Variants in RGS7 observed in about 807,000 individuals in gnomAD.
RGS7 encodes regulator of G protein signaling 7, also known as regulator of G-protein signaling 7.
RGS7 carries 27 observed loss-of-function variants against 81.1 expected under a neutral mutation model. That is an observed-to-expected ratio of 0.33 (90% CI 0.25 to 0.46). The LOEUF (loss-of-function observed/expected upper bound fraction) is 0.46, where lower values mean the gene tolerates loss of function less well. RGS7 is among the 20% of genes least tolerant of loss of function. The probability of loss-of-function intolerance (pLI) is 1.00; values close to 1 mark genes in which losing one functional copy is unlikely to be tolerated. For synonymous variants in RGS7, 208 were observed against 207.7 expected, an observed-to-expected ratio of 1.00 and a Z score of -0.01; for missense variants, 396 against 607.4, an observed-to-expected ratio of 0.65 and a Z score of 3.66.
chr1:240,951,353 A>G (rs190346519), intron 4 of RGS7, among the ~76,000 whole-genome samples: 1 of 152,238 alleles, frequency 6.6e-6, no homozygotes, highest in Non-Finnish European at 1.5e-5. Context: ...GGAAGTTTAA[A>G]TTGTAATTAA....
At chr1:240,991,542 T>G (rs1351992708) in intron 3 of RGS7, among the ~76,000 whole-genome samples, 2 of 152,140 alleles carry the variant, frequency 1.3e-5, no homozygotes, top group Admixed American at 1.3e-4. Flanking sequence ...GGAAGGAAAA[T>G]AGGGTTCCTT....
In RGS7 at chr1:241,324,235, G is replaced by T. The variant is rs533859917; in HGVS notation, c.78+31464C>A. Among the ~76,000 whole-genome samples, 49 of 151,920 alleles carry T rather than the reference G, an allele frequency of 3.2e-4. No homozygotes were observed. The South Asian group carries it at 8.5e-3, about 26-fold the overall frequency. On this transcript the variant is annotated intron_variant, in intron 2 of 18. Transcript: ENST00000440928. ...AACTCTATTTACTTATTACCAGCTTGTTCACTTAAGAAATAGGTAGACTAT... is the reference window on the plus strand; with the variant it reads ...AACTCTATTTACTTATTACCAGCTTTTTCACTTAAGAAATAGGTAGACTAT...
intron 2 of RGS7, among the ~76,000 whole-genome samples, chr1:241,218,146 G>A (rs1431277883): frequency 1.3e-5 from 2 of 152,210 alleles, no homozygotes; most frequent in African/African-American, 4.8e-5. Context: ...GGGCACAGAT[G>A]TGTTTCCTGC....
In RGS7 at chr1:241,279,742, A is replaced by G. The variant is rs149962758; in HGVS notation, c.78+75957T>C. Among the ~76,000 whole-genome samples, 16 of 152,276 alleles carry G rather than the reference A, an allele frequency of 1.1e-4. No individual in the cohort carries two copies. In the East Asian group the frequency reaches 2.5e-3, roughly 24 times the overall value. On this transcript the variant is annotated intron_variant, in intron 2 of 18. Coordinates refer to ENST00000440928, the MANE Select transcript of RGS7 (RefSeq NM_001364886.1). ...TTCATCCCCTACATCAGTCCTAAAA[A>G]CCACTAATCTGCTTTCTGTTTCTAT...
chr1:240,863,577 A>G lies in RGS7; in HGVS notation c.609+5010T>C, dbSNP rs1195830281. Among the ~76,000 whole-genome samples the G allele has an allele frequency of 2.6e-5, 4 of 152,330 alleles. No homozygotes were observed. The South Asian group carries it at 6.2e-4, about 24-fold the overall frequency. ...ATCATATCTAAATATTGAAGATAGGACTTATCAGGCAGCCCTGTTGGCAAT... is the reference window on the plus strand; with the variant it reads ...ATCATATCTAAATATTGAAGATAGGGCTTATCAGGCAGCCCTGTTGGCAAT... On this transcript the variant is annotated intron_variant, in intron 9 of 18. Coordinates refer to ENST00000440928, the MANE Select transcript of RGS7 (RefSeq NM_001364886.1).
intron 2 of RGS7, among the ~76,000 whole-genome samples, chr1:241,295,401 C>T (rs1370351515): frequency 2.6e-5 from 4 of 151,472 alleles, no homozygotes; most frequent in Admixed American, 1.3e-4. Context: ...TGCAGTGAGC[C>T]GAGATCGGGC....
intron 2 of RGS7, among the ~76,000 whole-genome samples, chr1:241,286,704 AC>A (rs1414999512): frequency 2.6e-5 from 4 of 152,274 alleles, no homozygotes; most frequent in African/African-American, 7.2e-5. Flanking sequence ...AAGTGCCAGC[AC>A]CCTGTGGCTT....
At chr1:240,991,415 C>G (rs207461328) in intron 3 of RGS7, among the ~76,000 whole-genome samples, 1 of 152,160 alleles carries the variant, frequency 6.6e-6, no homozygotes, top group Non-Finnish European at 1.5e-5. Flanking sequence ...TACTGGAGCT[C>G]AGGAGGATTC....
At chr1:240,962,939 G>A (rs976938473) in intron 4 of RGS7, among the ~76,000 whole-genome samples, 6 of 152,194 alleles carry the variant, frequency 3.9e-5, no homozygotes, top group African/African-American at 1.4e-4. Flanking sequence ...TAAAACGCTT[G>A]TTTGAACATT....
intron 5 of RGS7, among the ~76,000 whole-genome samples, chr1:240,932,512 A>ATTTTTTTT (rs1388590625): frequency 0.24 from 3,896 of 15,960 alleles, 116 homozygotes; most frequent in Middle Eastern, 0.33. Flanking sequence ...GTAGGGTGTC[A>ATTTTTTTT]CTTTTTTTTT....
At chr1:241,026,391 C>T (rs748408129) in intron 3 of RGS7, among the ~76,000 whole-genome samples, 20 of 152,072 alleles carry the variant, frequency 1.3e-4, no homozygotes, top group Non-Finnish European at 2.5e-4. Context: ...GGTTAGAGAC[C>T]AGCCTGGTCC....
intron 4 of RGS7, among the ~76,000 whole-genome samples, chr1:240,959,798 C>A (rs940878048): frequency 6.6e-6 from 1 of 152,126 alleles, no homozygotes; most frequent in Non-Finnish European, 1.5e-5. Flanking sequence ...AGAGCATAAA[C>A]ATTATTTCAA....
At chr1:241,097,946 C>A in intron 3 of RGS7, among the ~76,000 whole-genome samples, 1 of 152,132 alleles carries the variant, frequency 6.6e-6, no homozygotes, top group Non-Finnish European at 1.5e-5. Flanking sequence ...ATTCACTAAA[C>A]CCTCACGCTC....
chr1:240,802,756 C>T (rs1688229368), intron 16 of RGS7, 148 bp downstream of exon 16: 1 of 675,706 alleles, frequency 1.5e-6, no homozygotes, highest in African/African-American at 1.8e-5. Context: ...CTTAAATGGC[C>T]CTTATAAAAT....
At chr1:240,853,856 A>G (rs745341125) in intron 9 of RGS7, among the ~76,000 whole-genome samples, 4 of 126,650 alleles carry the variant, frequency 3.2e-5, no homozygotes, top group South Asian at 2.8e-4. Context: ...AGCCGAGATC[A>G]GGCCACTGCA....
chr1:240,804,190 ATTG>A (rs1688464014), intron 15 of RGS7, among the ~76,000 whole-genome samples: 1 of 152,138 alleles, frequency 6.6e-6, no homozygotes, highest in South Asian at 2.1e-4. Context: ...ATAAAATAGC[ATTG>A]TTGTGATGAT....
intron 3 of RGS7, among the ~76,000 whole-genome samples, chr1:241,077,525 T>C (rs1171582508): frequency 6.6e-6 from 1 of 152,030 alleles, no homozygotes; most frequent in Non-Finnish European, 1.5e-5. Context: ...TCAGGGACAG[T>C]GGAAGGGGAG....
intron 2 of RGS7, among the ~76,000 whole-genome samples, chr1:241,260,263 C>T (rs1016541364): frequency 6.6e-6 from 1 of 152,192 alleles, no homozygotes; most frequent in Admixed American, 6.5e-5. Flanking sequence ...CACAGTAGGT[C>T]ACTTGAAGAT....
At chr1:241,338,954 G>A (rs1226557416) in intron 2 of RGS7, among the ~76,000 whole-genome samples, 11 of 151,944 alleles carry the variant, frequency 7.2e-5, no homozygotes, top group African/African-American at 9.7e-5. Context: ...ATAGGTGAAC[G>A]TGTGTCATGG....
Sources: gnomAD v4.1 joint callset for allele counts (sites outside exome capture counted in the v4.1 genomes callset) on GRCh38, gnomAD v4.1.1 for gene constraint, MANE v1.5 for transcripts, NCBI Gene and HGNC (gene_info 2026-07-23, HGNC 2026-07-21) for gene names.